NFATC3: variants seen among roughly 807,000 people sequenced by gnomAD.
NFATC3 encodes the protein nuclear factor of activated T cells 3.
A neutral mutation model predicts 98.6 loss-of-function variants in NFATC3; 46 were observed. That is an observed-to-expected ratio of 0.47 (90% CI 0.37 to 0.60). The LOEUF is 0.60. Ranked by LOEUF, NFATC3 falls within the 20% of genes least tolerant of loss-of-function variation. The pLI, the probability that NFATC3 is intolerant of heterozygous loss-of-function variation, is 0.00. For missense variants in NFATC3, 1,256 were observed against 1,295.5 expected (o/e 0.97, Z 0.47); for synonymous variants, 512 against 472.2 (o/e 1.08, Z -1.09).
chr16:68,216,117 G>T (rs558165435), intron 9 of NFATC3, among the ~76,000 whole-genome samples: 1 of 152,242 alleles, frequency 6.6e-6, no homozygotes, highest in South Asian at 2.1e-4. Context: ...GCCGCAAGGT[G>T]TTGAAGAGGT....
At chr16:68,202,776 C>CA (rs2151138970) in intron 9 of NFATC3, among the ~76,000 whole-genome samples, 1 of 152,160 alleles carries the variant, frequency 6.6e-6, no homozygotes, top group South Asian at 2.1e-4. Flanking sequence ...CGTGCCATTG[C>CA]ACTCCAGCCT....
At chr16:68,144,465 G>T (rs1446977162) in intron 3 of NFATC3, among the ~76,000 whole-genome samples, 1 of 151,740 alleles carries the variant, frequency 6.6e-6, no homozygotes, top group Non-Finnish European at 1.5e-5. Flanking sequence ...TACACAATAG[G>T]TATACTAATA....
At chr16:68,143,718 G>A (rs1480198906) in intron 3 of NFATC3, among the ~76,000 whole-genome samples, 1 of 152,050 alleles carries the variant, frequency 6.6e-6, no homozygotes, top group Non-Finnish European at 1.5e-5. Flanking sequence ...GGGCATGGTG[G>A]TGCTCACCTC....
chr16:68,225,619 G>C (rs1402594637), intron 9 of NFATC3: 1 of 152,184 alleles, frequency 6.6e-6, no homozygotes, highest in Admixed American at 6.5e-5. Flanking sequence ...ACATTTGAAA[G>C]TTTTTCATGT....
In NFATC3 at chr16:68,226,897, C is replaced by CAAAAAAAAAAAAAAAAAAAAAAAAA. The variant is rs397955987; in HGVS notation, c.*428_*452dup. ...AACTTTTGATAAGACCTTCTAGAAGCAAAAAAAAAAAAAAAAAAAAAAAAA... is the reference window on the plus strand; with the variant it reads ...AACTTTTGATAAGACCTTCTAGAAGCAAAAAAAAAAAAAAAAAAAAAAAAAAAAAAAAAAAAAAAAAAAAAAAAAA... On this transcript the variant is annotated 3_prime_UTR_variant, in exon 10 of 10. Coordinates refer to ENST00000346183, the MANE Select transcript of NFATC3 (RefSeq NM_173165.3). The CAAAAAAAAAAAAAAAAAAAAAAAAA allele has an allele frequency of 2.1e-3, 65 of 30,336 alleles. No individual in the cohort carries two copies. Among genetic ancestry groups the CAAAAAAAAAAAAAAAAAAAAAAAAA allele is most frequent in the South Asian group, 3.4e-3 (2 of 580 alleles). The allele number at this position is 30,336 out of a possible 1,614,324, so 1.9% of individuals were successfully genotyped here.
intron 5 of NFATC3, among the ~76,000 whole-genome samples, chr16:68,172,010 T>C (rs1421509201): frequency 2.0e-5 from 3 of 151,874 alleles, no homozygotes; most frequent in Non-Finnish European, 4.4e-5. Context: ...TACAGGTACG[T>C]TCTAAGTAAC....
Position 68,086,559 on chromosome 16 carries a change from G to A in NFATC3, c.103+775G>A, listed in dbSNP as rs963703662. On this transcript the variant is annotated intron_variant, in intron 1 of 9. Coordinates refer to ENST00000346183, the MANE Select transcript of NFATC3 (RefSeq NM_173165.3). ...ACCAATCAGGAAATAGAAACAGGAT[G>A]ACTGGGGACTTAGAGCTCTTTTGTG... 6 of 747,948 alleles carry A rather than the reference G, an allele frequency of 8.0e-6. No individual in the cohort carries two copies. The African/African-American group carries it at 1.1e-4, about 14-fold the overall frequency. The allele number at this position is 747,948 out of a possible 1,614,324, so 46.3% of individuals were successfully genotyped here. A position where few individuals can be genotyped will look rare whatever the true frequency, so the allele number is the denominator to read the frequency against.
Position 68,089,881 on chromosome 16 carries a change from G to A in NFATC3, c.103+4097G>A, listed in dbSNP as rs147879132. On this transcript the variant is annotated intron_variant, in intron 1 of 9. Transcript: ENST00000346183. ...AGTCCTGAATGAGAGTTACTGGAAG[G>A]AATGTGCTATATACTATGTGTAGTA... Among the ~76,000 whole-genome samples, 769 of 152,230 alleles carry A rather than the reference G, an allele frequency of 5.1e-3. 8 individuals carry two copies. Among genetic ancestry groups the A allele is most frequent in the African/African-American group, 0.017 (701 of 41,536 alleles).
intron 9 of NFATC3, among the ~76,000 whole-genome samples, chr16:68,202,702 C>T (rs1400251311): frequency 6.6e-6 from 1 of 152,040 alleles, no homozygotes; most frequent in Non-Finnish European, 1.5e-5. Context: ...ATCCCAGCTA[C>T]TCGGGAGGCT....
intron 4 of NFATC3, among the ~76,000 whole-genome samples, chr16:68,162,770 C>G (rs537926952): frequency 6.7e-6 from 1 of 150,162 alleles, no homozygotes; most frequent in Non-Finnish European, 1.5e-5. Flanking sequence ...TTTAATTGAT[C>G]ATTCTTGGGT....
chr16:68,088,705 T>A (rs1054186772), intron 1 of NFATC3: 1 of 152,170 alleles, frequency 6.6e-6, no homozygotes, highest in Non-Finnish European at 1.5e-5. Context: ...GGCTACGTTT[T>A]GTGTTTTTAG....
At chr16:68,119,900 ATGT>A (rs1256863181) in intron 1 of NFATC3, among the ~76,000 whole-genome samples, 2 of 152,150 alleles carry the variant, frequency 1.3e-5, no homozygotes, top group South Asian at 4.1e-4. Flanking sequence ...AAGTTGAATC[ATGT>A]TGTTTCCAGT....
At chr16:68,215,689 C>A (rs1377912289) in intron 9 of NFATC3, among the ~76,000 whole-genome samples, 3 of 142,284 alleles carry the variant, frequency 2.1e-5, no homozygotes, top group African/African-American at 5.2e-5. Context: ...TTTTTATTTG[C>A]TTGCTTGCTT....
chr16:68,100,887 CTGTGTGTGTGTGTGTGTGGGGTGTG>C (rs1391675742), intron 1 of NFATC3, among the ~76,000 whole-genome samples: 2,128 of 146,380 alleles, frequency 0.015, 22 homozygotes, highest in Non-Finnish European at 0.021. Flanking sequence ...TTTGAGAGTT[CTGTGTGTGTGTGTGTGTGGGGTGTG>C]TGTGTGTGTG....
chr16:68,136,348 A>G (rs1310865251), intron 3 of NFATC3, among the ~76,000 whole-genome samples: 2 of 151,890 alleles, frequency 1.3e-5, no homozygotes, highest in Admixed American at 6.6e-5. Flanking sequence ...GCTCGCTGCA[A>G]CCTACACTTT....
At chr16:68,209,684 T>C in intron 9 of NFATC3, 1 of 423,082 alleles carries the variant, frequency 2.4e-6, no homozygotes, top group South Asian at 1.9e-5. Context: ...TACTTAAGGT[T>C]GATGACAAGA....
At chr16:68,207,680 T>C (rs1388335413) in intron 9 of NFATC3, among the ~76,000 whole-genome samples, 2 of 152,204 alleles carry the variant, frequency 1.3e-5, no homozygotes, top group Non-Finnish European at 2.9e-5. Context: ...GCCACACTGA[T>C]CTGTCTTCTG....
At chr16:68,195,663 C>G (rs2040634161) in intron 9 of NFATC3, among the ~76,000 whole-genome samples, 1 of 148,950 alleles carries the variant, frequency 6.7e-6, no homozygotes, top group Non-Finnish European at 1.5e-5. Flanking sequence ...AAAAAACTAG[C>G]CGGGCGTGGT....
intron 1 of NFATC3, among the ~76,000 whole-genome samples, chr16:68,105,533 T>C (rs1396512499): frequency 6.6e-6 from 1 of 152,208 alleles, no homozygotes; most frequent in African/African-American, 2.4e-5. Context: ...GTGTATATTT[T>C]GTTGAGGATT....
Sources: gnomAD v4.1 joint callset for allele counts (sites outside exome capture counted in the v4.1 genomes callset) on GRCh38, gnomAD v4.1.1 for gene constraint, MANE v1.5 for transcripts, NCBI Gene and HGNC (gene_info 2026-07-23, HGNC 2026-07-21) for gene names.